The following PLIN2 variants were observed in gnomAD, a reference collection of about 807,000 sequenced individuals.
PLIN2 encodes perilipin 2, also known as perilipin-2.
PLIN2 carries 33 observed loss-of-function variants against 30.6 expected under a neutral mutation model. That is an observed-to-expected ratio of 1.08 (90% CI 0.82 to 1.44). The LOEUF (loss-of-function observed/expected upper bound fraction) is 1.44, where lower values mean the gene tolerates loss of function less well. Ranked by LOEUF, PLIN2 falls within the 40% of genes most tolerant of loss-of-function variation. The pLI, the probability that PLIN2 is intolerant of heterozygous loss-of-function variation, is 0.00. For synonymous variants in PLIN2, 205 were observed against 201.1 expected (o/e 1.02, Z -0.16); for missense variants, 610 against 531.8 (o/e 1.15, Z -1.45).
chr9:19,125,945 AAAG>A (rs756803442), intron 3 of PLIN2, 166 bp downstream of exon 3: 536 of 560,018 alleles, frequency 9.6e-4, no homozygotes, highest in Non-Finnish European at 1.4e-3. Context: ...AAAGGAAAGA[AAAG>A]AAAAGAAACA....
rs2131187747 is a variant in PLIN2 at position 19,127,190 on chromosome 9, G to C, written c.-23+229C>G. ...CAGGAAAGAAGCCTCAACGCACAAA[G>C]GCAAGGGTCGAAAGCGCGGGTTCAG... is the stretch of plus-strand genomic sequence containing the variant. On this transcript the variant is annotated intron_variant, in intron 1 of 7. Transcript: ENST00000276914. The surrounding 1 kb of genome is among the most constrained non-coding windows in gnomAD (Gnocchi z 4.3). Among the ~76,000 whole-genome samples the C allele has an allele frequency of 6.6e-6, 1 of 152,344 alleles. No homozygotes were observed. The highest frequency in any genetic ancestry group is 1.5e-5 in the Non-Finnish European group (1 of 68,028).
At chr9:19,126,507 C>G in intron 1 of PLIN2, 59 bp from the exon 2 acceptor site, 2 of 1,096,870 alleles carry the variant, frequency 1.8e-6, no homozygotes. Context: ...ATTCATTCCC[C>G]AACCCAAGCA....
Position 19,116,164 on chromosome 9 carries a change from T to G in PLIN2, c.*84A>C, listed in dbSNP as rs1818217940. 1.5e-6 allele frequency: 2 copies of G among 1,355,282 alleles called. No individual in the cohort carries two copies. Among genetic ancestry groups the G allele is most frequent in the South Asian group, 3.0e-5 (2 of 67,498 alleles). 84.0% of individuals were successfully genotyped at this position (1,355,282 alleles called of 1,614,324 possible). On this transcript the variant is annotated 3_prime_UTR_variant, in exon 8 of 8. Transcript: ENST00000276914. Reference sequence around the variant, plus strand: ...TTATACTAGCTACTTGCTTCCCAATTTAGGGTTGCCTAGCAAGTTAATTTC... The same window carrying G: ...TTATACTAGCTACTTGCTTCCCAATGTAGGGTTGCCTAGCAAGTTAATTTC...
In PLIN2 at chr9:19,116,619, G is replaced by A. The variant is rs183420763; in HGVS notation, c.943C>T (p.Arg315Cys). The change falls in exon 8 of 8, where the codon CGC becomes TGC. Residue 315 changes from arginine (R) to cysteine (C), a missense_variant. By Grantham distance (180) the Arg-to-Cys change is radical. Coordinates refer to ENST00000276914, the MANE Select transcript of PLIN2 (RefSeq NM_001122.4). ...HIESRTLAIA[R>C]NLTQQLQTTC... is the part of the protein sequence containing the mutation. ...GTCTGGAGCTGCTGAGTCAGGTTGC[G>A]GGCAATTGCAAGAGTACGTGACTCA... is the stretch of plus-strand genomic sequence containing the variant. 219 of 1,613,374 alleles carry A rather than the reference G, an allele frequency of 1.4e-4. 4 individuals carry two copies. Among genetic ancestry groups the A allele is most frequent in the South Asian group, 9.0e-4 (82 of 91,052 alleles).
At chr9:19,126,622 C>G (rs1818405241) in intron 1 of PLIN2, among the ~76,000 whole-genome samples, 174 bp from the exon 2 acceptor site, 1 of 152,196 alleles carries the variant, frequency 6.6e-6, no homozygotes, top group South Asian at 2.1e-4. Context: ...AAGACCCACA[C>G]CCACACAACC....
downstream of PLIN2, among the ~76,000 whole-genome samples, chr9:19,114,437 C>T (rs892770994): frequency 4.6e-5 from 7 of 151,632 alleles, no homozygotes; most frequent in African/African-American, 1.7e-4. Flanking sequence ...CAGAGTCTCA[C>T]TCTGTTGCTC....
intron 7 of PLIN2, 119 bp from the exon 8 acceptor site, chr9:19,116,768 C>A: frequency 1.3e-6 from 1 of 776,706 alleles, no homozygotes; most frequent in East Asian, 2.5e-5. Flanking sequence ...TTTAAAAATC[C>A]TCATTACAAT....
Position 19,125,940 on chromosome 9 carries a change from A to C in PLIN2, c.226+174T>G, listed in dbSNP as rs1030526451. ...TCCATCTCAAAAAAAAAAAAAAAGG[A>C]AAGAAAAGAAAAGAAACAGTCCTCT... On this transcript the variant is annotated intron_variant, in intron 3 of 7. Transcript: ENST00000276914. 12 of 527,448 alleles carry C rather than the reference A, an allele frequency of 2.3e-5. No homozygotes were observed. In the African/African-American group the frequency reaches 2.4e-4, roughly 10 times the overall value. 32.7% of individuals were successfully genotyped at this position (527,448 alleles called of 1,614,324 possible).
Position 19,116,261 on chromosome 9 carries a change from T to C in PLIN2, c.1301A>G (p.His434Arg). Reference sequence around the variant, plus strand: ...ATAGGGGCAGGTTTAATGAGTTTTATGCTCAGATCGCTGGGTCTCCTGGCT... The same window carrying C: ...ATAGGGGCAGGTTTAATGAGTTTTACGCTCAGATCGCTGGGTCTCCTGGCT... ...KSSQETQRSE[H>R]KTH is the part of the protein sequence containing the mutation. Residue 434 changes from histidine to arginine, a missense_variant, in exon 8 of 8, where the codon CAT becomes CGT. Coordinates refer to ENST00000276914, the MANE Select transcript of PLIN2 (RefSeq NM_001122.4). 6.3e-7 allele frequency: 1 copy of C among 1,594,234 alleles called. No homozygotes were observed. Among genetic ancestry groups the C allele is most frequent in the Non-Finnish European group, 8.6e-7 (1 of 1,169,334 alleles).
chr9:19,115,338 T>C (rs1440991209), downstream of PLIN2, among the ~76,000 whole-genome samples: 2 of 151,606 alleles, frequency 1.3e-5, no homozygotes, highest in Admixed American at 6.6e-5. Context: ...GATGGAGTCT[T>C]GCTCTTTCGC....
intron 6 of PLIN2, 97 bp downstream of exon 6, chr9:19,119,553 T>C (rs1818279856): frequency 1.4e-6 from 1 of 737,906 alleles, no homozygotes; most frequent in Non-Finnish European, 2.2e-6. Flanking sequence ...GTTTGTCAAC[T>C]AAGAATGAAA....
chr9:19,118,328 C>T lies in PLIN2; in HGVS notation c.905G>A (p.Cys302Tyr). ...CCGTCCCAGTCATCTTACCTCAGCA[C>T]AGTGGGACTCATCAGTATCATCATA... ...IGYDDTDESH[C>Y]AEHIESRTLA... The change falls in exon 7 of 8, where the codon TGT (cysteine) becomes TAT (tyrosine). Residue 302 changes from cysteine (C) to tyrosine (Y), a missense_variant. Physicochemically the swap from Cys to Tyr is radical, Grantham distance 194. Transcript: ENST00000276914. The T allele has an allele frequency of 1.2e-6, 2 of 1,611,688 alleles. No individual in the cohort carries two copies. The highest frequency in any genetic ancestry group is 1.7e-6 in the Non-Finnish European group (2 of 1,179,158).
chr9:19,123,390 C>A, intron 4 of PLIN2, 175 bp downstream of exon 4: 1 of 1,551,464 alleles, frequency 6.4e-7, no homozygotes, highest in South Asian at 1.2e-5. Context: ...TTCGTAGATA[C>A]AACTTGACAA....
chr9:19,109,173 C>G (rs774852272), intron 2 of PLIN2, among the ~76,000 whole-genome samples: 3 of 152,110 alleles, frequency 2.0e-5, no homozygotes, highest in African/African-American at 7.2e-5. Context: ...ACAGGAAAGC[C>G]TTTAGGGACA....
chr9:19,119,415 A>C (rs1818278364), intron 6 of PLIN2, among the ~76,000 whole-genome samples: 1 of 152,240 alleles, frequency 6.6e-6, no homozygotes, highest in South Asian at 2.1e-4. Context: ...CCCGTGTGGC[A>C]GGACAAGAGA....
rs1335482509 is a variant in PLIN2 at position 19,126,294 on chromosome 9, C to A, written c.46G>T (p.Val16Leu). ...VDPQPSVVTR[V>L]VNLPLVSSTY... ...GAGCTCACCAAGGGCAGGTTGACCACCCGAGTCACCACACTCTGCAATCAA... is the reference window on the plus strand; with the variant it reads ...GAGCTCACCAAGGGCAGGTTGACCAACCGAGTCACCACACTCTGCAATCAA... Residue 16 changes from valine to leucine, a missense_variant, in exon 3 of 8, where the codon GTG becomes TTG. Transcript: ENST00000276914. 1 of 1,613,894 alleles carries A rather than the reference C, an allele frequency of 6.2e-7. No homozygotes were observed. Among genetic ancestry groups the A allele is most frequent in the South Asian group, 1.1e-5 (1 of 91,066 alleles).
chr9:19,121,856 C>T (rs1374686757), intron 4 of PLIN2, among the ~76,000 whole-genome samples: 1 of 152,094 alleles, frequency 6.6e-6, no homozygotes, highest in East Asian at 1.9e-4. Context: ...ACTTGAACCC[C>T]AGAGGTGGAG....
intron 2 of PLIN2, among the ~76,000 whole-genome samples, chr9:19,109,959 GAAAAA>G (rs74512950): frequency 7.0e-6 from 1 of 142,174 alleles, no homozygotes; most frequent in African/African-American, 2.6e-5. Flanking sequence ...CTGTTTACAG[GAAAAA>G]AAAAAAAATC....
chr9:19,109,689 C>T (rs1818134199), intron 2 of PLIN2, among the ~76,000 whole-genome samples: 1 of 151,774 alleles, frequency 6.6e-6, no homozygotes, highest in Admixed American at 6.6e-5. Context: ...TCAAAAAGAC[C>T]AGGTGCGGTG....
Sources: gnomAD v4.1 joint callset for allele counts (sites outside exome capture counted in the v4.1 genomes callset) on GRCh38, gnomAD v4.1.1 for gene constraint, Gnocchi (gnomAD v3.1) non-coding constraint, MANE v1.5 for transcripts, NCBI Gene and HGNC (gene_info 2026-07-23, HGNC 2026-07-21) for gene names.